The following ZNF469 variants were observed in gnomAD, a reference collection of about 807,000 sequenced individuals.
ZNF469 encodes the protein zinc finger protein 469.
A neutral mutation model predicts 1.0 loss-of-function variants in ZNF469; 1 was observed. The ratio of observed to expected loss-of-function variants is 1.00; its 90% confidence interval spans 0.35 to 4.73. The LOEUF (loss-of-function observed/expected upper bound fraction) is 4.73, where lower values mean the gene tolerates loss of function less well. Ranked by LOEUF, ZNF469 falls within the 30% of genes most tolerant of loss-of-function variation. The pLI is 0.16. For synonymous variants in ZNF469, 2,703 were observed against 2,363.4 expected, an observed-to-expected ratio of 1.14 and a Z score of -4.17; for missense variants, 6,100 against 5,356.3, an observed-to-expected ratio of 1.14 and a Z score of -4.33.
chr16:88,209,566 T>G, the ZNF469 span, among the ~76,000 whole-genome samples: 1 of 152,012 alleles, frequency 6.6e-6, no homozygotes, highest in Non-Finnish European at 1.5e-5. Flanking sequence ...GCTGGGATTA[T>G]AGGTGTGAGC....
the ZNF469 span, among the ~76,000 whole-genome samples, chr16:88,220,113 C>T: frequency 2.6e-5 from 4 of 152,152 alleles, no homozygotes; most frequent in Non-Finnish European, 5.9e-5. Flanking sequence ...TCTAGCCGTT[C>T]TCAGTAAGCC....
At chr16:88,152,290 C>A in the ZNF469 span, among the ~76,000 whole-genome samples, 1 of 152,224 alleles carries the variant, frequency 6.6e-6, no homozygotes, top group Non-Finnish European at 1.5e-5. This position sits in a 1 kb window ranked among gnomAD's most constrained non-coding sequence, Gnocchi z 4.2. Flanking sequence ...TGGGCTTTGG[C>A]GTTGGAAAAG....
chr16:88,256,895 C>CCTCTCTCTCTCT, the ZNF469 span, among the ~76,000 whole-genome samples: 5 of 51,468 alleles, frequency 9.7e-5, no homozygotes, highest in African/African-American at 3.4e-4. Flanking sequence ...CTTTTCTTTC[C>CCTCTCTCTCTCT]TTCTTTCTTT....
At chr16:88,383,677 G>A (rs1028421837) in intron 1 of ZNF469, among the ~76,000 whole-genome samples, 53 of 151,302 alleles carry the variant, frequency 3.5e-4, no homozygotes, top group African/African-American at 1.2e-3. Flanking sequence ...GATCGGAGCC[G>A]GGGGTGCCCC....
At chr16:88,351,611 A>G in the ZNF469 span, among the ~76,000 whole-genome samples, 24 of 152,190 alleles carry the variant, frequency 1.6e-4, no homozygotes, top group Admixed American at 1.4e-3. Flanking sequence ...CGACGCTCCA[A>G]TGACACTGAC....
chr16:88,116,454 C>T, the ZNF469 span, among the ~76,000 whole-genome samples: 2 of 152,188 alleles, frequency 1.3e-5, no homozygotes, highest in East Asian at 1.9e-4. Context: ...GACAGTTTCA[C>T]CCAAAAGTAA....
the ZNF469 span, among the ~76,000 whole-genome samples, chr16:88,211,004 C>T: frequency 2.0e-5 from 3 of 152,248 alleles, no homozygotes; most frequent in African/African-American, 7.2e-5. Context: ...AGAACCGATG[C>T]CTTCGGCCGT....
chr16:88,201,847 G>C, the ZNF469 span, among the ~76,000 whole-genome samples: 1 of 152,216 alleles, frequency 6.6e-6, no homozygotes. This position sits in a 1 kb window ranked among gnomAD's most constrained non-coding sequence, Gnocchi z 5.0. Flanking sequence ...CAGGGGTGGG[G>C]GAGCTCTGAA....
chr16:88,254,075 A>G, the ZNF469 span, among the ~76,000 whole-genome samples: 1 of 152,238 alleles, frequency 6.6e-6, no homozygotes, highest in African/African-American at 2.4e-5. Context: ...TCTGTCTGAT[A>G]AATACTTGCC....
At position 88,429,936 on chromosome 16, in the gene ZNF469, C is replaced by T. The variant is rs1477215930; in HGVS notation, c.2466C>T (p.Ala822=). 7 of 1,550,282 alleles carry T rather than the reference C, an allele frequency of 4.5e-6. No homozygotes were observed. Among genetic ancestry groups the T allele is most frequent in the Non-Finnish European group, 6.1e-6 (7 of 1,146,938 alleles). The change falls in exon 3 of 3, where the codon GCC becomes GCT. Residue 822 remains alanine, a synonymous_variant. Transcript: ENST00000565624. ...LRTGFLPSLA[A]TPFPLPASDL... The stretch of plus-strand genomic sequence containing the variant: ...CAGGCTTCCTGCCCAGCCTGGCCGC[C>T]ACCCCCTTCCCGCTCCCTGCCTCGG...
At chr16:88,380,629 G>T (rs1276500723), upstream of ZNF469, among the ~76,000 whole-genome samples, 2 of 86,064 alleles carry the variant, frequency 2.3e-5, no homozygotes, top group African/African-American at 9.3e-5. Context: ...CCAGACATGC[G>T]CTCACACACA....
chr16:88,300,420 C>G, the ZNF469 span, among the ~76,000 whole-genome samples: 1 of 152,164 alleles, frequency 6.6e-6, no homozygotes, highest in Non-Finnish European at 1.5e-5. Context: ...TTTTCTTCCT[C>G]TCTAGAGTGA....
At chr16:88,113,298 G>A in the ZNF469 span, among the ~76,000 whole-genome samples, 6 of 152,174 alleles carry the variant, frequency 3.9e-5, no homozygotes, top group South Asian at 2.1e-4. Context: ...TAGGGGTCTC[G>A]TTTCACTCTT....
chr16:88,140,652 C>A, the ZNF469 span, among the ~76,000 whole-genome samples: 2 of 152,178 alleles, frequency 1.3e-5, no homozygotes, highest in Non-Finnish European at 2.9e-5. Flanking sequence ...TAAATTGAGG[C>A]CAGGCGCAGT....
chr16:88,285,236 G>A, the ZNF469 span, among the ~76,000 whole-genome samples: 5 of 152,392 alleles, frequency 3.3e-5, no homozygotes, highest in East Asian at 9.7e-4. Context: ...GGCAGCATCA[G>A]CCCCGCCTCC....
the ZNF469 span, among the ~76,000 whole-genome samples, chr16:88,204,781 G>A: frequency 0.42 from 63,912 of 151,956 alleles, 15,146 homozygotes; most frequent in South Asian, 0.55. Context: ...GGAGTGGGGC[G>A]TTCACTGGAT....
the ZNF469 span, among the ~76,000 whole-genome samples, chr16:88,368,275 A>G: frequency 6.6e-6 from 1 of 152,320 alleles, no homozygotes; most frequent in South Asian, 2.1e-4. Flanking sequence ...GATACTGAGG[A>G]GGGCGTAAGA....
At chr16:88,351,873 C>T in the ZNF469 span, among the ~76,000 whole-genome samples, 1 of 152,212 alleles carries the variant, frequency 6.6e-6, no homozygotes, top group African/African-American at 2.4e-5. Flanking sequence ...GCTCCAGCAT[C>T]TCATTTGATG....
chr16:88,251,067 G>A, the ZNF469 span, among the ~76,000 whole-genome samples: 2 of 152,122 alleles, frequency 1.3e-5, no homozygotes, highest in Non-Finnish European at 2.9e-5. Flanking sequence ...CAGTAGAGAC[G>A]GGGTTTCACC....
Sources: allele counts gnomAD v4.1 joint callset (sites outside exome capture counted in the v4.1 genomes callset), GRCh38; gene constraint gnomAD v4.1.1; non-coding constraint Gnocchi (gnomAD v3.1); transcripts MANE v1.5; gene names NCBI Gene and HGNC (gene_info 2026-07-23, HGNC 2026-07-21).